FAT3: variants seen among roughly 807,000 people sequenced by gnomAD.
FAT3 encodes the protein protocadherin Fat 3.
FAT3 carries 95 observed loss-of-function variants against 310.2 expected under a neutral mutation model. That is an observed-to-expected ratio of 0.31 (90% CI 0.26 to 0.36). FAT3 has a LOEUF of 0.36. Ranked by LOEUF, FAT3 falls within the 10% of genes least tolerant of loss-of-function variation. FAT3 has a pLI of 1.00. For synonymous variants in FAT3, 2,314 were observed against 2,192.9 expected (o/e 1.06, Z -1.54); for missense variants, 5,408 against 5,715.6 (o/e 0.95, Z 1.74).
intron 4 of FAT3, among the ~76,000 whole-genome samples, chr11:92,735,906 A>G (rs1384650984): frequency 6.6e-6 from 1 of 152,098 alleles, no homozygotes; most frequent in East Asian, 1.9e-4. Context: ...TTCTAGTAAC[A>G]TCTCTGTGAG....
At chr11:92,590,454 G>A (rs1177181444) in intron 3 of FAT3, among the ~76,000 whole-genome samples, 1 of 152,060 alleles carries the variant, frequency 6.6e-6, no homozygotes, top group Non-Finnish European at 1.5e-5. Flanking sequence ...AGTAGGTAGA[G>A]GCCAAATTGT....
intron 12 of FAT3, among the ~76,000 whole-genome samples, chr11:92,807,297 A>T (rs554497005): frequency 6.6e-6 from 1 of 152,300 alleles, no homozygotes; most frequent in East Asian, 1.9e-4. Flanking sequence ...TTTTAATTCA[A>T]GGTGCTCAGC....
intron 3 of FAT3, among the ~76,000 whole-genome samples, chr11:92,529,360 TATA>T (rs1348644780): frequency 6.6e-6 from 1 of 152,124 alleles, no homozygotes; most frequent in Non-Finnish European, 1.5e-5. Context: ...ATACAGGGAA[TATA>T]AACAAGTGAA....
intron 22 of FAT3, among the ~76,000 whole-genome samples, chr11:92,873,025 T>C (rs1398056607): frequency 2.6e-5 from 4 of 152,194 alleles, no homozygotes; most frequent in Non-Finnish European, 5.9e-5. Flanking sequence ...ACTCCCATGA[T>C]TTCCAGTTGT....
At chr11:92,468,585 A>G (rs891081554) in intron 2 of FAT3, among the ~76,000 whole-genome samples, 6 of 152,190 alleles carry the variant, frequency 3.9e-5, no homozygotes, top group East Asian at 1.9e-4. Context: ...TAATAAAGAC[A>G]TACCCAAGAC....
chr11:92,548,037 A>G (rs1216366316), intron 3 of FAT3, among the ~76,000 whole-genome samples: 2 of 152,212 alleles, frequency 1.3e-5, no homozygotes, highest in Non-Finnish European at 2.9e-5. Flanking sequence ...CACTTGATTT[A>G]TAGAATATTT....
chr11:92,486,813 C>A (rs929968963), intron 2 of FAT3, among the ~76,000 whole-genome samples: 2 of 152,142 alleles, frequency 1.3e-5, no homozygotes, highest in African/African-American at 4.8e-5. Flanking sequence ...TTTCTGGGCA[C>A]CAAGAATTAG....
In FAT3 at chr11:92,889,837, T is replaced by G. The variant is rs1457658532; in HGVS notation, c.13112-19T>G. 2.8e-6 allele frequency: 2 copies of G among 717,886 alleles called. No homozygotes were observed. The highest frequency in any genetic ancestry group is 3.5e-5 in the African/African-American group (2 of 57,398). 44.5% of individuals were successfully genotyped at this position (717,886 alleles called of 1,614,324 possible). Reference sequence around the variant, plus strand: ...TGGTTTGGACTGTCAGTTTTACTTTTCACTTTGTATTTAAACAGTGTCTGT... The same window carrying G: ...TGGTTTGGACTGTCAGTTTTACTTTGCACTTTGTATTTAAACAGTGTCTGT... On this transcript the variant is annotated intron_variant, in intron 26 of 27. Coordinates refer to ENST00000525166, the MANE Select transcript of FAT3 (RefSeq NM_001367949.2).
intron 2 of FAT3, among the ~76,000 whole-genome samples, chr11:92,433,512 T>A (rs1950848549): frequency 6.6e-6 from 1 of 152,098 alleles, no homozygotes; most frequent in Non-Finnish European, 1.5e-5. Context: ...TTCTACTTCC[T>A]GGGTGAGGCG....
chr11:92,378,875 G>T (rs928664003), intron 2 of FAT3, among the ~76,000 whole-genome samples: 1 of 152,126 alleles, frequency 6.6e-6, no homozygotes, highest in Non-Finnish European at 1.5e-5. Context: ...AAGGGATGAA[G>T]CATTTTTCTC....
At chr11:92,760,726 G>A (rs1013094097) in intron 4 of FAT3, among the ~76,000 whole-genome samples, 9 of 152,120 alleles carry the variant, frequency 5.9e-5, no homozygotes, top group African/African-American at 1.4e-4. Context: ...GAAAGAGTGC[G>A]TTATAAACTG....
In FAT3 at chr11:92,866,921, T is replaced by G. The variant is rs1319129967; in HGVS notation, c.11839T>G (p.Phe3947Val). The change falls in exon 22 of 28, where the codon TTC (phenylalanine) becomes GTC (valine). Residue 3947 changes from phenylalanine (F) to valine (V), a missense_variant. By Grantham distance (50) the Phe-to-Val change is conservative. Transcript: ENST00000525166. ...GGAGCGGCGCCGGGCGCCCCTCTAC[T>G]TCCAGACGCTGAGCACTGAGAGTAG... ...YVERRRAPLYFQTLSTESSIY... is the reference protein window; with the variant it reads ...YVERRRAPLYVQTLSTESSIY... The G allele has an allele frequency of 6.2e-7, 1 of 1,613,952 alleles. No individual in the cohort carries two copies. The highest frequency in any genetic ancestry group is 8.5e-7 in the Non-Finnish European group (1 of 1,179,880).
chr11:92,511,314 A>C (rs1953281118), intron 2 of FAT3, among the ~76,000 whole-genome samples: 1 of 152,130 alleles, frequency 6.6e-6, no homozygotes, highest in Non-Finnish European at 1.5e-5. Flanking sequence ...CTATAAGCTT[A>C]TTCTATCCAC....
intron 1 of FAT3, among the ~76,000 whole-genome samples, chr11:92,277,631 C>T (rs1197986417): frequency 6.6e-6 from 1 of 152,046 alleles, no homozygotes; most frequent in African/African-American, 2.4e-5. Context: ...GGAATGTTCC[C>T]ACTTGTAAGT....
At chr11:92,255,744 G>A (rs1341448441) in intron 1 of FAT3, among the ~76,000 whole-genome samples, 1 of 152,150 alleles carries the variant, frequency 6.6e-6, no homozygotes, top group Non-Finnish European at 1.5e-5. Context: ...TTATGGCAAT[G>A]AAACAGAGTC....
chr11:92,570,275 G>C (rs1435949596), intron 3 of FAT3, among the ~76,000 whole-genome samples: 2 of 152,174 alleles, frequency 1.3e-5, no homozygotes, highest in African/African-American at 4.8e-5. Context: ...TAGACTGTGA[G>C]ATTCTTGAAG....
chr11:92,788,972 T>C (rs2136152630), intron 7 of FAT3, among the ~76,000 whole-genome samples: 1 of 152,326 alleles, frequency 6.6e-6, no homozygotes, highest in South Asian at 2.1e-4. Flanking sequence ...TTGGACCTTA[T>C]TTGCATATCT....
At chr11:92,329,708 T>G (rs1447738151) in intron 1 of FAT3, among the ~76,000 whole-genome samples, 1 of 151,616 alleles carries the variant, frequency 6.6e-6, no homozygotes, top group Non-Finnish European at 1.5e-5. Context: ...CCACTTAGCT[T>G]TTATTTAATA....
chr11:92,257,912 A>G lies in FAT3; in HGVS notation c.-18+32738A>G, dbSNP rs1280295872. On this transcript the variant is annotated intron_variant, in intron 1 of 27. Transcript: ENST00000525166. ...CAGAGTTTCCTGGTCAAAAGCGTGC[A>G]TTATGCAATCAGTTTTTACCTCAAA... is the stretch of plus-strand genomic sequence containing the variant. 2.6e-5 allele frequency among the ~76,000 whole-genome samples: 4 copies of G among 152,134 alleles called. No homozygotes were observed. In the East Asian group the frequency reaches 7.7e-4, roughly 29 times the overall value.
Sources: allele counts gnomAD v4.1 joint callset (sites outside exome capture counted in the v4.1 genomes callset), GRCh38; gene constraint gnomAD v4.1.1; transcripts MANE v1.5; gene names NCBI Gene and HGNC (gene_info 2026-07-23, HGNC 2026-07-21).